GPA33: variants seen among roughly 807,000 people sequenced by gnomAD.
GPA33 encodes the protein glycoprotein A33.
GPA33 carries 27 observed loss-of-function variants against 35.6 expected under a neutral mutation model. The observed-to-expected ratio is 0.76, with a 90% CI of 0.56 to 1.04. The LOEUF (loss-of-function observed/expected upper bound fraction) is 1.04. Among genes scored for constraint, GPA33 ranks in the 50% least tolerant of loss-of-function variants. The probability of loss-of-function intolerance (pLI) is 0.00; values close to 1 mark genes in which losing one functional copy is unlikely to be tolerated. For synonymous variants in GPA33, 176 were observed against 164.0 expected, an observed-to-expected ratio of 1.07 and a Z score of -0.56; for missense variants, 428 against 411.9, an observed-to-expected ratio of 1.04 and a Z score of -0.34.
At chr1:167,087,224 C>T (rs962262086) in intron 1 of GPA33, among the ~76,000 whole-genome samples, 1 of 151,106 alleles carries the variant, frequency 6.6e-6, no homozygotes, top group Non-Finnish European at 1.5e-5. Flanking sequence ...TCAGAGCTCT[C>T]GGATAATTGG....
At chr1:167,062,533 C>T (rs889517162) in intron 4 of GPA33, among the ~76,000 whole-genome samples, 4 of 151,526 alleles carry the variant, frequency 2.6e-5, no homozygotes, top group Admixed American at 2.6e-4. Flanking sequence ...CCTTGTCTTT[C>T]TTGATCCTCA....
intron 4 of GPA33, among the ~76,000 whole-genome samples, chr1:167,056,580 A>ATG (rs1460581335): frequency 1.6e-3 from 1 of 640 alleles, no homozygotes; most frequent in Non-Finnish European, 5.4e-3. Flanking sequence ...TGTGTGGCAT[A>ATG]TGTGTGGTAT....
At chr1:167,069,389 T>G (rs1217685067) in intron 2 of GPA33, among the ~76,000 whole-genome samples, 1 of 152,252 alleles carries the variant, frequency 6.6e-6, no homozygotes, top group Non-Finnish European at 1.5e-5. Flanking sequence ...AGTACACATG[T>G]GGGTGAATGG....
At chr1:167,067,163 T>TTGCTC (rs1666615049) in intron 3 of GPA33, among the ~76,000 whole-genome samples, 1 of 152,190 alleles carries the variant, frequency 6.6e-6, no homozygotes, top group African/African-American at 2.4e-5. Flanking sequence ...GCTTGCTCGC[T>TTGCTC]TGCTCGCTTG....
At chr1:167,080,880 A>C (rs1269959406) in intron 1 of GPA33, among the ~76,000 whole-genome samples, 1 of 152,202 alleles carries the variant, frequency 6.6e-6, no homozygotes, top group Non-Finnish European at 1.5e-5. Context: ...AATTATAGAG[A>C]ACTTAAGCTT....
intron 4 of GPA33, among the ~76,000 whole-genome samples, chr1:167,059,504 T>C (rs1666386143): frequency 6.6e-6 from 1 of 151,630 alleles, no homozygotes; most frequent in African/African-American, 2.4e-5. Flanking sequence ...ATCCTGTAGC[T>C]TGTCGACAAG....
In GPA33 at chr1:167,053,946, A is replaced by G. The variant is rs528566247; in HGVS notation, c.*388T>C. 74 of 212,988 alleles carry G rather than the reference A, an allele frequency of 3.5e-4. No homozygotes were observed. The highest frequency in any genetic ancestry group is 1.6e-3 in the African/African-American group (71 of 43,392). The allele number at this position is 212,988 out of a possible 1,614,324, so 13.2% of individuals were successfully genotyped here. A position where few individuals can be genotyped will look rare whatever the true frequency, so the allele number is the denominator to read the frequency against. On this transcript the variant is annotated 3_prime_UTR_variant, in exon 7 of 7. Coordinates refer to ENST00000367868, the MANE Select transcript of GPA33 (RefSeq NM_005814.3). Reference sequence around the variant, plus strand: ...CCAGGTGCTGGGCACACAGGTGAGCAGGACAGCCCCCACCCCCCAAGGCTG... The same window carrying G: ...CCAGGTGCTGGGCACACAGGTGAGCGGGACAGCCCCCACCCCCCAAGGCTG...
At position 167,054,185 on chromosome 1, in the gene GPA33, T is replaced by C; in HGVS notation, c.*149A>G. The C allele has an allele frequency of 9.6e-7, 1 of 1,039,292 alleles. No homozygotes were observed. Among genetic ancestry groups the C allele is most frequent in the Non-Finnish European group, 1.4e-6 (1 of 710,092 alleles). The allele number at this position is 1,039,292 out of a possible 1,614,324, so 64.4% of individuals were successfully genotyped here. ...GGACCCCCTTACCAGGCCAGCCATG[T>C]TCCCCACAGCTGACACTGGGGAAGA... On this transcript the variant is annotated 3_prime_UTR_variant, in exon 7 of 7. Coordinates refer to ENST00000367868, the MANE Select transcript of GPA33 (RefSeq NM_005814.3).
intron 1 of GPA33, among the ~76,000 whole-genome samples, chr1:167,077,522 C>T (rs1666847121): frequency 6.6e-6 from 1 of 152,180 alleles, no homozygotes; most frequent in Admixed American, 6.5e-5. Flanking sequence ...TGGCCACACA[C>T]TACACATTAA....
chr1:167,082,333 C>G (rs1294432010), intron 1 of GPA33: 3 of 455,478 alleles, frequency 6.6e-6, no homozygotes, highest in Admixed American at 2.4e-5. Context: ...ATACAGCCCT[C>G]TTTTAACAAT....
At chr1:167,087,653 A>T (rs1667081572) in intron 1 of GPA33, among the ~76,000 whole-genome samples, 1 of 152,118 alleles carries the variant, frequency 6.6e-6, no homozygotes, top group Non-Finnish European at 1.5e-5. Flanking sequence ...ACGGTGGCTC[A>T]CACCTGTAAT....
chr1:167,056,666 AGT>A (rs1666277404), intron 4 of GPA33, among the ~76,000 whole-genome samples: 5 of 1,430 alleles, frequency 3.5e-3, no homozygotes, highest in African/African-American at 6.5e-3. Flanking sequence ...TGGTACGGTG[AGT>A]GTGTGATGTG....
chr1:167,073,298 G>A, intron 2 of GPA33, 87 bp downstream of exon 2: 2 of 1,137,806 alleles, frequency 1.8e-6, no homozygotes, highest in South Asian at 1.4e-5. Flanking sequence ...ACCATTTATG[G>A]AAAGACTTCA....
At chr1:167,085,703 T>C (rs1027467149) in intron 1 of GPA33, among the ~76,000 whole-genome samples, 4 of 152,204 alleles carry the variant, frequency 2.6e-5, no homozygotes, top group Non-Finnish European at 5.9e-5. Flanking sequence ...GGAGAATGCA[T>C]ACCATTGAGC....
chr1:167,072,645 T>C (rs1666741280), intron 2 of GPA33, among the ~76,000 whole-genome samples: 1 of 152,226 alleles, frequency 6.6e-6, no homozygotes. Context: ...CAAATGTCCA[T>C]TCATGGTACA....
intron 3 of GPA33, among the ~76,000 whole-genome samples, 190 bp downstream of exon 3, chr1:167,068,732 G>A (rs113503005): frequency 1.3e-5 from 2 of 152,340 alleles, no homozygotes; most frequent in African/African-American, 2.4e-5. Flanking sequence ...GGCCATTGGC[G>A]GAGAACTCAG....
At chr1:167,081,183 T>C (rs1328380831) in intron 1 of GPA33, among the ~76,000 whole-genome samples, 1 of 152,186 alleles carries the variant, frequency 6.6e-6, no homozygotes, top group African/African-American at 2.4e-5. Context: ...TGGAGGATAA[T>C]GAAATGCTTG....
intron 3 of GPA33, among the ~76,000 whole-genome samples, chr1:167,065,513 T>G (rs1666571726): frequency 6.6e-6 from 1 of 152,194 alleles, no homozygotes; most frequent in Non-Finnish European, 1.5e-5. Context: ...TCTTTTCACA[T>G]CCCCTTGGAT....
At chr1:167,072,231 C>T (rs1009485813) in intron 2 of GPA33, among the ~76,000 whole-genome samples, 1 of 152,112 alleles carries the variant, frequency 6.6e-6, no homozygotes, top group Non-Finnish European at 1.5e-5. Context: ...TCTAAGTGGT[C>T]GGGGACCTAA....
Sources: allele counts gnomAD v4.1 joint callset (sites outside exome capture counted in the v4.1 genomes callset), GRCh38; gene constraint gnomAD v4.1.1; transcripts MANE v1.5; gene names NCBI Gene and HGNC (gene_info 2026-07-23, HGNC 2026-07-21).